Variants in CADM1 observed in about 807,000 individuals in gnomAD.
CADM1 encodes the protein TSLC-1.
CADM1 carries 15 observed loss-of-function variants against 53.1 expected under a neutral mutation model. That is an observed-to-expected ratio of 0.28 (90% CI 0.19 to 0.44). The LOEUF (loss-of-function observed/expected upper bound fraction) is 0.44, where lower values mean the gene tolerates loss of function less well. Among genes scored for constraint, CADM1 ranks in the 20% least tolerant of loss-of-function variants. The pLI is 1.00. For synonymous variants in CADM1, 281 were observed against 243.0 expected (o/e 1.16, Z -1.45); for missense variants, 434 against 611.3 (o/e 0.71, Z 3.06).
chr11:115,372,070 T>C (rs1260900923), intron 1 of CADM1, among the ~76,000 whole-genome samples: 1 of 152,206 alleles, frequency 6.6e-6, no homozygotes, highest in African/African-American at 2.4e-5. Context: ...TTATATCTTT[T>C]ACAAAATTAG....
At chr11:115,453,842 G>A (rs978613253) in intron 1 of CADM1, among the ~76,000 whole-genome samples, 1 of 152,080 alleles carries the variant, frequency 6.6e-6, no homozygotes, top group Non-Finnish European at 1.5e-5. Context: ...CCTAAAAAAT[G>A]AAATTTAAAC....
chr11:115,304,674 A>G (rs1349303069), intron 1 of CADM1, among the ~76,000 whole-genome samples: 1 of 152,072 alleles, frequency 6.6e-6, no homozygotes, highest in African/African-American at 2.4e-5. Flanking sequence ...TGGATATCAT[A>G]CCACAAACAG....
At chr11:115,417,910 G>A (rs375453248) in intron 1 of CADM1, among the ~76,000 whole-genome samples, 4 of 152,104 alleles carry the variant, frequency 2.6e-5, no homozygotes, top group African/African-American at 9.7e-5. Flanking sequence ...TAAAGCAAAC[G>A]ACACCTGTAG....
At chr11:115,484,957 A>G (rs566956702) in intron 1 of CADM1, among the ~76,000 whole-genome samples, 94 of 152,162 alleles carry the variant, frequency 6.2e-4, no homozygotes, top group African/African-American at 2.2e-3. Context: ...AAAAAAAAAA[A>G]AAAAGAAAAG....
intron 1 of CADM1, among the ~76,000 whole-genome samples, chr11:115,244,490 T>C (rs1366019762): frequency 2.6e-5 from 4 of 152,222 alleles, no homozygotes; most frequent in Non-Finnish European, 5.9e-5. Flanking sequence ...GGCTGGGCAC[T>C]GTGCAGGATG....
chr11:115,339,032 C>T (rs1485979277), intron 1 of CADM1, among the ~76,000 whole-genome samples: 1 of 136,604 alleles, frequency 7.3e-6, no homozygotes, highest in African/African-American at 2.7e-5. Context: ...TCTCCCAATG[C>T]TATCCCTCCC....
intron 1 of CADM1, among the ~76,000 whole-genome samples, chr11:115,376,685 G>A (rs146383493): frequency 6.0e-4 from 92 of 152,264 alleles, no homozygotes; most frequent in African/African-American, 2.0e-3. Context: ...ATCGTGTCAC[G>A]TGGTATAAAA....
chr11:115,199,950 T>G (rs957291199), intron 8 of CADM1, among the ~76,000 whole-genome samples: 7 of 152,184 alleles, frequency 4.6e-5, no homozygotes, highest in African/African-American at 1.2e-4. Context: ...GAAGCTTTTT[T>G]GGGGGGCAAA....
At chr11:115,325,869 A>G (rs905655071) in intron 1 of CADM1, among the ~76,000 whole-genome samples, 2 of 152,196 alleles carry the variant, frequency 1.3e-5, no homozygotes, top group Admixed American at 1.3e-4. Context: ...TTCATTACAC[A>G]TGGACCTTAA....
intron 3 of CADM1, 98 bp downstream of exon 3, chr11:115,238,402 G>T: frequency 7.6e-7 from 1 of 1,315,594 alleles, no homozygotes; most frequent in Non-Finnish European, 1.1e-6. Flanking sequence ...CCTGAAACAA[G>T]TTTGAACAGG....
At chr11:115,472,250 G>A (rs1949030544) in intron 1 of CADM1, among the ~76,000 whole-genome samples, 1 of 152,236 alleles carries the variant, frequency 6.6e-6, no homozygotes, top group African/African-American at 2.4e-5. Flanking sequence ...CTATAGCTAA[G>A]TAGATGTCAG....
At chr11:115,334,008 T>C (rs1370910244) in intron 1 of CADM1, among the ~76,000 whole-genome samples, 2 of 152,190 alleles carry the variant, frequency 1.3e-5, no homozygotes, top group African/African-American at 2.4e-5. Flanking sequence ...AGCTATGCCA[T>C]AGCATAAATG....
intron 8 of CADM1, among the ~76,000 whole-genome samples, chr11:115,202,236 T>G (rs1317600214): frequency 2.0e-5 from 3 of 152,142 alleles, no homozygotes; most frequent in Admixed American, 1.3e-4. Flanking sequence ...AATATTTAGT[T>G]GAAACAGTCA....
intron 1 of CADM1, among the ~76,000 whole-genome samples, chr11:115,300,376 G>A (rs1380839189): frequency 1.3e-5 from 2 of 152,082 alleles, no homozygotes; most frequent in African/African-American, 4.8e-5. Flanking sequence ...CCCATCATCT[G>A]TCTTTAGACA....
Position 115,176,063 on chromosome 11 carries a change from A to C in CADM1, c.*411T>G. 1.8e-6 allele frequency: 2 copies of C among 1,086,536 alleles called. No homozygotes were observed. The highest frequency in any genetic ancestry group is 2.2e-6 in the Non-Finnish European group (2 of 891,004). 67.3% of individuals were successfully genotyped at this position (1,086,536 alleles called of 1,614,324 possible). ...GGAAAAGAGTCTAAGGAATCCCAGC[A>C]GGCAAATTCCAAAATGGGAGATTTT... On this transcript the variant is annotated 3_prime_UTR_variant, in exon 12 of 12. Coordinates refer to ENST00000331581, the MANE Select transcript of CADM1 (RefSeq NM_001301043.2).
At chr11:115,355,589 A>AC (rs1318958033) in intron 1 of CADM1, among the ~76,000 whole-genome samples, 1 of 152,058 alleles carries the variant, frequency 6.6e-6, no homozygotes, top group East Asian at 1.9e-4. Flanking sequence ...CATATTACAA[A>AC]CGTGCATATG....
At position 115,306,072 on chromosome 11, in the gene CADM1, C is replaced by CCACACACA. The variant is rs6144515; in HGVS notation, c.125-65660_125-65653dup. ...AAGGGATATTTGCAGAGGATATATACCACACACACACACACACACACACAC... is the reference window on the plus strand; with the variant it reads ...AAGGGATATTTGCAGAGGATATATACCACACACACACACACACACACACACACACACAC... On this transcript the variant is annotated intron_variant, in intron 1 of 11. Transcript: ENST00000331581. 8.5e-3 allele frequency among the ~76,000 whole-genome samples: 1,106 copies of CCACACACA among 130,418 alleles called. 24 individuals are homozygous for CCACACACA. The highest frequency in any genetic ancestry group is 0.025 in the African/African-American group (873 of 34,756). The allele number at this position is 130,418 out of a possible 152,430, so 85.6% of individuals were successfully genotyped here. A position where few individuals can be genotyped will look rare whatever the true frequency, so the allele number is the denominator to read the frequency against.
rs1463541128 is a variant in CADM1 at position 115,171,947 on chromosome 11, T to G, written c.*4527A>C. On this transcript the variant is annotated 3_prime_UTR_variant, in exon 12 of 12. Coordinates refer to ENST00000331581, the MANE Select transcript of CADM1 (RefSeq NM_001301043.2). ...CGCTTCTTCGTAGCCCTGGGTAACC[T>G]TCTATCGTTTTAGTCACCATTTGCC... is the stretch of plus-strand genomic sequence containing the variant. 6.6e-6 allele frequency: 1 copy of G among 152,268 alleles called. No individual in the cohort carries two copies. Among genetic ancestry groups the G allele is most frequent in the Non-Finnish European group, 1.5e-5 (1 of 68,072 alleles). The allele number at this position is 152,268 out of a possible 1,614,324, so 9.4% of individuals were successfully genotyped here.
rs777246624 is a variant in CADM1 at position 115,372,345 on chromosome 11, T to C, written c.125-131925A>G. ...TCCTAAAATTATTTTTCTTATATTG[T>C]ACTTTTGGAAGCAACTTTGAATTCT... On this transcript the variant is annotated intron_variant, in intron 1 of 11. Coordinates refer to ENST00000331581, the MANE Select transcript of CADM1 (RefSeq NM_001301043.2). Among the ~76,000 whole-genome samples, 70 of 152,318 alleles carry C rather than the reference T, an allele frequency of 4.6e-4. 2 individuals carry two copies. The highest frequency in any genetic ancestry group is 1.2e-4 in the Non-Finnish European group (8 of 68,018).
Sources: gnomAD v4.1 joint callset for allele counts (sites outside exome capture counted in the v4.1 genomes callset) on GRCh38, gnomAD v4.1.1 for gene constraint, MANE v1.5 for transcripts, NCBI Gene and HGNC (gene_info 2026-07-23, HGNC 2026-07-21) for gene names.